Variants in SCYL3 observed in about 807,000 individuals in gnomAD.
The protein encoded by SCYL3 is protein-associating with the carboxyl-terminal domain of ezrin.
In SCYL3, 35 loss-of-function variants were observed where a neutral mutation model predicts 73.8. The ratio of observed to expected loss-of-function variants is 0.47; its 90% CI spans 0.36 to 0.63. The LOEUF (loss-of-function observed/expected upper bound fraction) is 0.63, where lower values mean the gene tolerates loss of function less well. Ranked by LOEUF, SCYL3 falls within the 20% of genes least tolerant of loss-of-function variation. The pLI, the probability that SCYL3 is intolerant of heterozygous loss-of-function variation, is 0.00. For synonymous variants in SCYL3, 277 were observed against 295.2 expected, an observed-to-expected ratio of 0.94 and a Z score of 0.63; for missense variants, 712 against 798.9, an observed-to-expected ratio of 0.89 and a Z score of 1.31.
chr1:169,878,728 T>C lies in SCYL3; in HGVS notation c.257A>G (p.Gln86Arg). 1.9e-6 allele frequency: 3 copies of C among 1,614,166 alleles called. No individual in the cohort carries two copies. Among genetic ancestry groups the C allele is most frequent in the Non-Finnish European group, 2.5e-6 (3 of 1,180,010 alleles). Reference protein sequence around the residue: ...DGIHLVTERVQPLEVALETLS... With the variant: ...DGIHLVTERVRPLEVALETLS... ...TGTTTCCAAAGCCACTTCCAGGGGC[T>C]GTACTCGCTCAGTGACAAGATGAAT... The change falls in exon 3 of 13, where the codon CAG becomes CGG. Residue 86 changes from glutamine (Q) to arginine (R), a missense_variant. Physicochemically the swap from Gln to Arg is conservative, Grantham distance 43. Coordinates refer to ENST00000367771, the MANE Select transcript of SCYL3 (RefSeq NM_020423.7).
At chr1:169,867,324 C>T (rs1660101487) in intron 7 of SCYL3, among the ~76,000 whole-genome samples, 1 of 152,162 alleles carries the variant, frequency 6.6e-6, no homozygotes, top group Non-Finnish European at 1.5e-5. Flanking sequence ...ATATTGCTGA[C>T]TCTCAAGTCT....
chr1:169,862,739 C>A lies in SCYL3; in HGVS notation c.1014G>T (p.Val338=). ...CAAACAACTGGAGAAGCACGGGGATCACCCGTGACTGGAACAGGGCTGGTG... is the reference window on the plus strand; with the variant it reads ...CAAACAACTGGAGAAGCACGGGGATAACCCGTGACTGGAACAGGGCTGGTG... ...LLSPALFQSR[V]IPVLLQLFEV... is the part of the protein sequence containing the mutation. Residue 338 remains valine (V), a synonymous_variant, in exon 10 of 13, where the codon GTG becomes GTT. Transcript: ENST00000367771. The A allele has an allele frequency of 6.2e-7, 1 of 1,614,190 alleles. No homozygotes were observed. Among genetic ancestry groups the A allele is most frequent in the Non-Finnish European group, 8.5e-7 (1 of 1,180,014 alleles).
chr1:169,884,286 G>A (rs1392389330), intron 2 of SCYL3, among the ~76,000 whole-genome samples: 1 of 151,972 alleles, frequency 6.6e-6, no homozygotes, highest in African/African-American at 2.4e-5. Context: ...TTTTACAAGT[G>A]TTTTTTTATT....
At position 169,855,970 on chromosome 1, in the gene SCYL3, A is replaced by G. The variant is rs1382950692; in HGVS notation, c.1313-1006T>C. Reference sequence around the variant, plus strand: ...CACATAGGAGAATCTGAAGGTAAATAAAAACTCCAAAACATGAAAGGGACA... The same window carrying G: ...CACATAGGAGAATCTGAAGGTAAATGAAAACTCCAAAACATGAAAGGGACA... On this transcript the variant is annotated intron_variant, in intron 11 of 12. Transcript: ENST00000367771. The G allele has an allele frequency of 1.0e-5, 16 of 1,607,120 alleles. No individual in the cohort carries two copies. In the South Asian group the frequency reaches 1.4e-4, roughly 14 times the overall value.
rs114049688 is a variant in SCYL3, at chr1:169,893,347, C to G, written c.-51+441G>C. Reference sequence around the variant, plus strand: ...CCGAGGGCGGGCGCGCCCCCAGGATCCCCCCGGGCTCGGGCACTGCCGCCC... The same window carrying G: ...CCGAGGGCGGGCGCGCCCCCAGGATGCCCCCGGGCTCGGGCACTGCCGCCC... On this transcript the variant is annotated intron_variant, in intron 1 of 12. Coordinates refer to ENST00000367771, the MANE Select transcript of SCYL3 (RefSeq NM_020423.7). Among the ~76,000 whole-genome samples the G allele has an allele frequency of 2.0e-5, 3 of 152,232 alleles. No individual in the cohort carries two copies. The South Asian group carries it at 6.2e-4, about 32-fold the overall frequency.
At chr1:169,887,124 T>C (rs1004832962) in intron 2 of SCYL3, among the ~76,000 whole-genome samples, 2 of 152,230 alleles carry the variant, frequency 1.3e-5, no homozygotes, top group African/African-American at 4.8e-5. Context: ...TCTAAAGTTA[T>C]CACTTTGTTG....
chr1:169,890,218 G>A (rs1661982615), intron 1 of SCYL3, among the ~76,000 whole-genome samples: 1 of 152,218 alleles, frequency 6.6e-6, no homozygotes. Flanking sequence ...AGCCTGAATA[G>A]TTTTGTGGAA....
At position 169,888,656 on chromosome 1, in the gene SCYL3, G is replaced by A. The variant is rs762011199; in HGVS notation, c.165+20C>T. 6.3e-7 allele frequency: 1 copy of A among 1,598,146 alleles called. No individual in the cohort carries two copies. The highest frequency in any genetic ancestry group is 1.1e-5 in the South Asian group (1 of 89,244). On this transcript the variant is annotated intron_variant, in intron 2 of 12. Transcript: ENST00000367771. ...GATAGTAAAAAGTACTAACTATTAA[G>A]TCGTCACCTATTATGGTACCTTGGC...
chr1:169,882,348 G>A (rs1040696670), intron 2 of SCYL3, among the ~76,000 whole-genome samples: 4 of 152,206 alleles, frequency 2.6e-5, no homozygotes, highest in African/African-American at 7.2e-5. Flanking sequence ...GCCTTCCCAC[G>A]GGGCAGGGCT....
intron 3 of SCYL3, 89 bp downstream of exon 3, chr1:169,878,545 C>T: frequency 9.0e-7 from 1 of 1,110,820 alleles, no homozygotes; most frequent in Non-Finnish European, 1.3e-6. Context: ...TTTCTATGAA[C>T]ACCATAATTT....
Position 169,852,243 on chromosome 1 carries a change from T to G in SCYL3, c.*1470A>C. 1.4e-5 allele frequency: 5 copies of G among 357,972 alleles called. No homozygotes were observed. The highest frequency in any genetic ancestry group is 2.6e-5 in the Non-Finnish European group (5 of 195,762). The allele number at this position is 357,972 out of a possible 1,614,324, so 22.2% of individuals were successfully genotyped here. A position where few individuals can be genotyped will look rare whatever the true frequency, so the allele number is the denominator to read the frequency against. Reference sequence around the variant, plus strand: ...ACCACAGAAGAAAATGAAAGAAACTTACTCCTAAATGTTTAGTTTGATTCC... The same window carrying G: ...ACCACAGAAGAAAATGAAAGAAACTGACTCCTAAATGTTTAGTTTGATTCC... On this transcript the variant is annotated 3_prime_UTR_variant, in exon 13 of 13. Transcript: ENST00000367771.
intron 11 of SCYL3, among the ~76,000 whole-genome samples, chr1:169,856,755 C>T (rs538900734): frequency 6.6e-6 from 1 of 152,320 alleles, no homozygotes; most frequent in African/African-American, 2.4e-5. Flanking sequence ...CCTTTCATAG[C>T]TGAAAATGAG....
intron 1 of SCYL3, among the ~76,000 whole-genome samples, chr1:169,889,799 T>C (rs1247852467): frequency 3.9e-5 from 6 of 152,228 alleles, no homozygotes; most frequent in Non-Finnish European, 8.8e-5. Flanking sequence ...AACATAAAAC[T>C]GTACACTTTT....
chr1:169,883,073 G>A (rs970603398), intron 2 of SCYL3, among the ~76,000 whole-genome samples: 10 of 152,034 alleles, frequency 6.6e-5, no homozygotes, highest in East Asian at 1.9e-4. Context: ...GAAGGTCCAC[G>A]GCTTCACTCC....
At chr1:169,877,206 A>T (rs1012008001) in intron 3 of SCYL3, among the ~76,000 whole-genome samples, 2 of 152,188 alleles carry the variant, frequency 1.3e-5, no homozygotes, top group African/African-American at 2.4e-5. Flanking sequence ...CCCCAGCTGG[A>T]GTACAGTGGT....
chr1:169,860,012 C>G (rs1170417755), intron 10 of SCYL3: 1 of 152,268 alleles, frequency 6.6e-6, no homozygotes, highest in East Asian at 1.9e-4. Flanking sequence ...TGAAGAGCCA[C>G]TGCACTCTAG....
chr1:169,891,385 A>C (rs1187298233), intron 1 of SCYL3, among the ~76,000 whole-genome samples: 1 of 152,116 alleles, frequency 6.6e-6, no homozygotes, highest in Non-Finnish European at 1.5e-5. Context: ...TCCCATTGAC[A>C]CCCTTACAAC....
chr1:169,874,512 G>T (rs1467950211), intron 4 of SCYL3, among the ~76,000 whole-genome samples: 3 of 152,198 alleles, frequency 2.0e-5, no homozygotes, highest in Admixed American at 2.0e-4. Context: ...AAGCCAATGG[G>T]AAGAAATGCA....
At position 169,875,696 on chromosome 1, in the gene SCYL3, T is replaced by C. The variant is rs191180398; in HGVS notation, c.465+282A>G. Among the ~76,000 whole-genome samples the C allele has an allele frequency of 1.8e-4, 27 of 152,358 alleles. No homozygotes were observed. In the East Asian group the frequency reaches 4.6e-3, roughly 26 times the overall value. ...TGATCCAAGTAAGTACAAGGTACTA[T>C]GGGGCAGAGAGGAGGGGCATTTAAC... On this transcript the variant is annotated intron_variant, in intron 4 of 12. Coordinates refer to ENST00000367771, the MANE Select transcript of SCYL3 (RefSeq NM_020423.7).
Sources: allele counts gnomAD v4.1 joint callset (sites outside exome capture counted in the v4.1 genomes callset), GRCh38; gene constraint gnomAD v4.1.1; transcripts MANE v1.5; gene names NCBI Gene and HGNC (gene_info 2026-07-23, HGNC 2026-07-21).